Variants in PRKCE observed in about 807,000 individuals in gnomAD.
PRKCE encodes the protein protein kinase C epsilon.
PRKCE carries 16 observed loss-of-function variants against 85.4 expected under a neutral mutation model. The ratio of observed to expected loss-of-function variants is 0.19; its 90% CI spans 0.13 to 0.28. PRKCE has a LOEUF of 0.28. PRKCE is among the 10% of genes least tolerant of loss of function. The pLI, the probability that PRKCE is intolerant of heterozygous loss-of-function variation, is 1.00. For synonymous variants in PRKCE, 388 were observed against 371.5 expected (o/e 1.04, Z -0.51); for missense variants, 573 against 975.2 (o/e 0.59, Z 5.49).
In PRKCE at chr2:46,046,881, A is replaced by G. The variant is rs184759748; in HGVS notation, c.1437+36364A>G. On this transcript the variant is annotated intron_variant, in intron 10 of 14. Coordinates refer to ENST00000306156, the MANE Select transcript of PRKCE (RefSeq NM_005400.3). ...TTCTCTGTTTATTTCCAGTGTAGTCATTGAGTGATCATTGGTAGGACAGCC... is the reference window on the plus strand; with the variant it reads ...TTCTCTGTTTATTTCCAGTGTAGTCGTTGAGTGATCATTGGTAGGACAGCC... Among the ~76,000 whole-genome samples the G allele has an allele frequency of 2.6e-5, 4 of 152,296 alleles. No individual in the cohort carries two copies. In the East Asian group the frequency reaches 7.7e-4, roughly 29 times the overall value.
chr2:46,160,355 T>C (rs1677634610), intron 14 of PRKCE, among the ~76,000 whole-genome samples: 1 of 152,204 alleles, frequency 6.6e-6, no homozygotes, highest in African/African-American at 2.4e-5. Context: ...AGGGGGCATG[T>C]AACACAGGGC....
chr2:45,684,400 G>A (rs1677132868), intron 1 of PRKCE, among the ~76,000 whole-genome samples: 2 of 152,224 alleles, frequency 1.3e-5, no homozygotes, highest in South Asian at 4.1e-4. Context: ...GAACACCACA[G>A]TCAAGCCTAA....
At chr2:45,802,446 C>G (rs1448752288) in intron 1 of PRKCE, among the ~76,000 whole-genome samples, 1 of 151,782 alleles carries the variant, frequency 6.6e-6, no homozygotes, top group Non-Finnish European at 1.5e-5. Context: ...GTGATAGTAT[C>G]TTAGATAAGA....
intron 2 of PRKCE, among the ~76,000 whole-genome samples, chr2:45,910,044 C>CG (rs966318526): frequency 2.8e-5 from 2 of 72,478 alleles, no homozygotes; most frequent in African/African-American, 4.5e-5. Flanking sequence ...AAACTCACCG[C>CG]CCCCCCCCAG....
intron 2 of PRKCE, among the ~76,000 whole-genome samples, chr2:45,924,735 T>G (rs1442044051): frequency 6.6e-6 from 1 of 152,256 alleles, no homozygotes; most frequent in Non-Finnish European, 1.5e-5. Flanking sequence ...TACACAGTGC[T>G]GAGAAAAAAT....
intron 2 of PRKCE, among the ~76,000 whole-genome samples, chr2:45,876,334 A>G (rs191190204): frequency 6.2e-4 from 94 of 152,324 alleles, no homozygotes; most frequent in Non-Finnish European, 1.1e-3. Flanking sequence ...GTTCTTTCCA[A>G]GTCAACTCCA....
At chr2:45,994,737 G>T (rs1444211260) in intron 6 of PRKCE, among the ~76,000 whole-genome samples, 1 of 152,124 alleles carries the variant, frequency 6.6e-6, no homozygotes, top group Non-Finnish European at 1.5e-5. Flanking sequence ...GAATACAACT[G>T]CTATAAACAT....
At chr2:46,014,210 G>A (rs1705931288) in intron 10 of PRKCE, among the ~76,000 whole-genome samples, 1 of 152,206 alleles carries the variant, frequency 6.6e-6, no homozygotes, top group African/African-American at 2.4e-5. Flanking sequence ...ATTCAAACCA[G>A]TGTGTCTTTG....
Position 45,803,737 on chromosome 2 carries a change from G to A in PRKCE, c.349-39263G>A, listed in dbSNP as rs1688041036. Reference sequence around the variant, plus strand: ...GGGTTATGCTCAATTTAGGTCAATGGAATAAATGTTTAGTAAATTGTTTCT... The same window carrying A: ...GGGTTATGCTCAATTTAGGTCAATGAAATAAATGTTTAGTAAATTGTTTCT... On this transcript the variant is annotated intron_variant, in intron 1 of 14. Transcript: ENST00000306156. Among the ~76,000 whole-genome samples, 4 of 152,288 alleles carry A rather than the reference G, an allele frequency of 2.6e-5. No individual in the cohort carries two copies. In the South Asian group the frequency reaches 8.3e-4, roughly 32 times the overall value.
At chr2:46,088,312 C>G (rs1485772336) in intron 11 of PRKCE, among the ~76,000 whole-genome samples, 2 of 152,178 alleles carry the variant, frequency 1.3e-5, no homozygotes, top group Non-Finnish European at 2.9e-5. Flanking sequence ...CTTTGCTGTG[C>G]TTCTGCCCTC....
At chr2:45,721,658 G>A (rs897917028) in intron 1 of PRKCE, among the ~76,000 whole-genome samples, 3 of 152,108 alleles carry the variant, frequency 2.0e-5, no homozygotes, top group African/African-American at 7.2e-5. Flanking sequence ...CAGAAGGATC[G>A]CTTGAGACCA....
At chr2:46,095,179 G>A (rs116336389) in intron 11 of PRKCE, among the ~76,000 whole-genome samples, 1 of 152,192 alleles carries the variant, frequency 6.6e-6, no homozygotes, top group Admixed American at 6.5e-5. Context: ...AGACTAATCT[G>A]GGTGGCCCAC....
chr2:45,908,407 C>T (rs918830300), intron 2 of PRKCE, among the ~76,000 whole-genome samples: 2 of 152,214 alleles, frequency 1.3e-5, no homozygotes, highest in Admixed American at 6.5e-5. Context: ...TGCTCCCAAA[C>T]GCTAAGTAAG....
rs1220056559 is a variant in PRKCE, at chr2:45,884,976, TATATATATATA to T, written c.412+41914_412+41924del. Among the ~76,000 whole-genome samples, 4 of 69,160 alleles carry T rather than the reference TATATATATATA, an allele frequency of 5.8e-5. No individual in the cohort carries two copies. In the East Asian group the frequency reaches 4.8e-3, roughly 84 times the overall value. 45.4% of individuals were successfully genotyped at this position (69,160 alleles called of 152,430 possible). ...ATCCATATATATATATATATATATA[TATATATATATA>T]TATATATATATATATTTGTTGTTGT... is the stretch of plus-strand genomic sequence containing the variant. On this transcript the variant is annotated intron_variant, in intron 2 of 14. Coordinates refer to ENST00000306156, the MANE Select transcript of PRKCE (RefSeq NM_005400.3).
intron 1 of PRKCE, among the ~76,000 whole-genome samples, chr2:45,743,831 G>A (rs1682789400): frequency 6.6e-6 from 1 of 152,090 alleles, no homozygotes; most frequent in African/African-American, 2.4e-5. Flanking sequence ...CAGATGTTCT[G>A]TTGGCTCTTG....
chr2:45,690,896 C>T lies in PRKCE; in HGVS notation c.348+38448C>T, dbSNP rs1230568060. ...TTGGCATGGGCCATGCTGGCTTACT[C>T]TGAAGCAGATACAGCACATACCTTA... On this transcript the variant is annotated intron_variant, in intron 1 of 14. Transcript: ENST00000306156. 2.6e-5 allele frequency among the ~76,000 whole-genome samples: 4 copies of T among 152,250 alleles called. No homozygotes were observed. The East Asian group carries it at 7.7e-4, about 29-fold the overall frequency.
At position 45,974,475 on chromosome 2, in the gene PRKCE, C is replaced by A. The variant is rs183634500; in HGVS notation, c.413-1954C>A. 6.6e-5 allele frequency among the ~76,000 whole-genome samples: 10 copies of A among 152,280 alleles called. No individual in the cohort carries two copies. In the East Asian group the frequency reaches 1.7e-3, roughly 26 times the overall value. Reference sequence around the variant, plus strand: ...GGGGATCCACAAGCAGACCTCCACCCGGGTCATCTGAGCCTGTGTTGAAGA... The same window carrying A: ...GGGGATCCACAAGCAGACCTCCACCAGGGTCATCTGAGCCTGTGTTGAAGA... On this transcript the variant is annotated intron_variant, in intron 2 of 14. Coordinates refer to ENST00000306156, the MANE Select transcript of PRKCE (RefSeq NM_005400.3).
At chr2:46,116,862 G>A (rs1008843072) in intron 11 of PRKCE, among the ~76,000 whole-genome samples, 1 of 152,152 alleles carries the variant, frequency 6.6e-6, no homozygotes, top group Non-Finnish European at 1.5e-5. Flanking sequence ...CAGCGGTTAG[G>A]TCTGGGAGGG....
chr2:45,927,566 CT>C (rs1219442482), intron 2 of PRKCE, among the ~76,000 whole-genome samples: 4 of 152,180 alleles, frequency 2.6e-5, no homozygotes, highest in Non-Finnish European at 5.9e-5. Context: ...CTGGGCCAGT[CT>C]GTACTGCTGA....
Sources: allele counts gnomAD v4.1 joint callset (sites outside exome capture counted in the v4.1 genomes callset), GRCh38; gene constraint gnomAD v4.1.1; transcripts MANE v1.5; gene names NCBI Gene and HGNC (gene_info 2026-07-23, HGNC 2026-07-21).